The following NFIA variants were observed in gnomAD, a reference collection of about 807,000 sequenced individuals.
NFIA encodes the protein nuclear factor 1 A-type.
NFIA carries 8 observed loss-of-function variants against 62.8 expected under a neutral mutation model. The observed-to-expected ratio is 0.13, with a 90% CI of 0.07 to 0.23. NFIA has a LOEUF of 0.23. Among genes scored for constraint, NFIA ranks in the 10% least tolerant of loss-of-function variants. NFIA has a pLI of 1.00. For synonymous variants in NFIA, 235 were observed against 238.1 expected (o/e 0.99, Z 0.12); for missense variants, 410 against 642.1 (o/e 0.64, Z 3.91).
intron 3 of NFIA, among the ~76,000 whole-genome samples, chr1:61,324,493 T>C (rs979077749): frequency 3.2e-4 from 49 of 152,320 alleles, no homozygotes; most frequent in Non-Finnish European, 4.1e-4. Flanking sequence ...TGACAGCCCC[T>C]TGATATTCCA....
chr1:61,078,724 A>G (rs988981487), upstream of NFIA, among the ~76,000 whole-genome samples: 3 of 152,190 alleles, frequency 2.0e-5, no homozygotes, highest in Non-Finnish European at 2.9e-5. Context: ...CTTTTTAAGT[A>G]TATGGTCAGT....
chr1:61,106,391 ACCT>A (rs1408597402), intron 2 of NFIA, among the ~76,000 whole-genome samples: 2 of 151,744 alleles, frequency 1.3e-5, no homozygotes, highest in African/African-American at 4.8e-5. Flanking sequence ...TGCTGGAGTT[ACCT>A]CCTCCTCACT....
chr1:61,082,814 C>T lies in NFIA; in HGVS notation c.23C>T (p.Thr8Ile). The T allele has an allele frequency of 6.4e-7, 1 of 1,550,590 alleles. No homozygotes were observed. Reference sequence around the variant, plus strand: ...GTTATGTATTCTCCGCTCTGTCTCACCCAGGTAAGCCGCGGCGTGGATGCG... The same window carrying T: ...GTTATGTATTCTCCGCTCTGTCTCATCCAGGTAAGCCGCGGCGTGGATGCG... MYSPLCL[T>I]QDEFHPFIEA... The change falls in exon 1 of 11, where the codon ACC (threonine) becomes ATC (isoleucine). Residue 8 changes from threonine (T) to isoleucine (I), a missense_variant. This residue lies in a region of NFIA where 86 missense variants were observed against 124.6 expected (regional missense o/e 0.69). Transcript: ENST00000403491.
chr1:61,195,783 T>G (rs1651948304), intron 2 of NFIA, among the ~76,000 whole-genome samples: 1 of 152,200 alleles, frequency 6.6e-6, no homozygotes, highest in Non-Finnish European at 1.5e-5. Flanking sequence ...TTTTAAAAGC[T>G]ACTTTTTAAT....
In NFIA at chr1:61,292,160, G is replaced by A. The variant is rs182352394; in HGVS notation, c.625+14575G>A. On this transcript the variant is annotated intron_variant, in intron 3 of 10. Coordinates refer to ENST00000403491, the MANE Select transcript of NFIA (RefSeq NM_001134673.4). ...AATAAACTTATCGTTTTTCAAAGAC[G>A]ACTTATTTTTAAAAGCTACAGTATA... is the stretch of plus-strand genomic sequence containing the variant. Among the ~76,000 whole-genome samples the A allele has an allele frequency of 5.9e-5, 9 of 152,214 alleles. No homozygotes were observed. The East Asian group carries it at 7.7e-4, about 13-fold the overall frequency.
intron 3 of NFIA, among the ~76,000 whole-genome samples, chr1:61,309,385 T>C (rs970981686): frequency 1.3e-5 from 2 of 152,126 alleles, no homozygotes; most frequent in Non-Finnish European, 2.9e-5. Flanking sequence ...AATGTATGCA[T>C]GATTTTTCCT....
intron 2 of NFIA, among the ~76,000 whole-genome samples, chr1:61,191,424 G>T (rs969939693): frequency 1.3e-5 from 2 of 151,924 alleles, no homozygotes; most frequent in Admixed American, 6.6e-5. Flanking sequence ...CTGGGTGCCT[G>T]TTCCACCAAT....
At chr1:61,303,369 A>T (rs561920850) in intron 3 of NFIA, among the ~76,000 whole-genome samples, 1 of 152,250 alleles carries the variant, frequency 6.6e-6, no homozygotes, top group Non-Finnish European at 1.5e-5. Context: ...TAAAATATCA[A>T]TGAGAAAAGT....
rs180874919 is a variant in NFIA at position 61,307,176 on chromosome 1, A to G, written c.626-25336A>G. Among the ~76,000 whole-genome samples the G allele has an allele frequency of 5.5e-3, 831 of 152,268 alleles. 7 individuals carry two copies. Among genetic ancestry groups the G allele is most frequent in the Non-Finnish European group, 8.9e-3 (606 of 68,010 alleles). On this transcript the variant is annotated intron_variant, in intron 3 of 10. Coordinates refer to ENST00000403491, the MANE Select transcript of NFIA (RefSeq NM_001134673.4). ...TGGCCTTAATGTTTGTGTCCCCCCA[A>G]AATTCATATGTTGAAATCCTGACTC...
intron 7 of NFIA, among the ~76,000 whole-genome samples, chr1:61,402,936 A>G (rs1665643720): frequency 6.6e-6 from 1 of 152,206 alleles, no homozygotes; most frequent in African/African-American, 2.4e-5. Context: ...ATGCCCAGCA[A>G]CTAATACAGA....
In NFIA at chr1:61,413,319, CA is replaced by C. The variant is rs1265752979; in HGVS notation, c.1420+6593del. Among the ~76,000 whole-genome samples the C allele has an allele frequency of 9.2e-5, 14 of 152,170 alleles. 1 individual carries two copies. In the South Asian group the frequency reaches 1.0e-3, roughly 11 times the overall value. On this transcript the variant is annotated intron_variant, in intron 9 of 10. Coordinates refer to ENST00000403491, the MANE Select transcript of NFIA (RefSeq NM_001134673.4). ...TTAAAATTTCTCGTATAATAATTAA[CA>C]TGTGTTCAATGCTTTTTGGTTAACA...
At chr1:61,435,583 A>G (rs568308510) in intron 10 of NFIA, among the ~76,000 whole-genome samples, 23 of 152,284 alleles carry the variant, frequency 1.5e-4, no homozygotes, top group Admixed American at 1.1e-3. Flanking sequence ...ATATCAGGGA[A>G]AAGGCCCTGC....
chr1:61,090,938 T>A (rs1646309130), intron 2 of NFIA, among the ~76,000 whole-genome samples: 1 of 152,230 alleles, frequency 6.6e-6, no homozygotes, highest in Non-Finnish European at 1.5e-5. Flanking sequence ...AATACAAATA[T>A]GAGGTAGATC....
chr1:61,400,775 C>G (rs1430529616), intron 7 of NFIA, among the ~76,000 whole-genome samples: 1 of 152,162 alleles, frequency 6.6e-6, no homozygotes, highest in African/African-American at 2.4e-5. Flanking sequence ...ATCTGGCCAC[C>G]TCAAAATATA....
At chr1:61,437,245 T>G (rs1389316170) in intron 10 of NFIA, among the ~76,000 whole-genome samples, 1 of 152,202 alleles carries the variant, frequency 6.6e-6, no homozygotes. Context: ...GCAGTCTTCC[T>G]TCCATTGGTC....
intron 2 of NFIA, among the ~76,000 whole-genome samples, chr1:61,214,371 T>C (rs573340486): frequency 6.6e-6 from 1 of 152,036 alleles, no homozygotes; most frequent in East Asian, 1.9e-4. Flanking sequence ...TTTGCTAATA[T>C]CTTACATAGA....
intron 4 of NFIA, among the ~76,000 whole-genome samples, chr1:61,341,340 T>C (rs9436634): frequency 0.91 from 138,178 of 152,128 alleles, 62,932 homozygotes; most frequent in South Asian, 0.96. Flanking sequence ...TGTGAGCCAC[T>C]GCACCTGGCC....
chr1:61,281,782 A>C (rs1048303207), intron 3 of NFIA, among the ~76,000 whole-genome samples: 5 of 152,288 alleles, frequency 3.3e-5, no homozygotes, highest in Non-Finnish European at 7.4e-5. Context: ...TAAAAACTAT[A>C]AGCTGATTAA....
At chr1:61,312,592 A>G (rs977096635) in intron 3 of NFIA, among the ~76,000 whole-genome samples, 4 of 151,966 alleles carry the variant, frequency 2.6e-5, no homozygotes, top group African/African-American at 9.7e-5. Context: ...GGCTCACTGC[A>G]GCCTCAACTT....
Sources: gnomAD v4.1 joint callset for allele counts (sites outside exome capture counted in the v4.1 genomes callset) on GRCh38, gnomAD v4.1.1 for gene constraint, gnomAD v4.1.1 regional missense constraint, MANE v1.5 for transcripts, NCBI Gene and HGNC (gene_info 2026-07-23, HGNC 2026-07-21) for gene names.